TMEM132E: variants seen among roughly 807,000 people sequenced by gnomAD.
TMEM132E encodes the protein transmembrane protein 132E.
A neutral mutation model predicts 78.5 loss-of-function variants in TMEM132E; 49 were observed. The observed-to-expected ratio is 0.62, with a 90% CI of 0.50 to 0.79. The LOEUF (loss-of-function observed/expected upper bound fraction) is 0.79. TMEM132E is among the 30% of genes least tolerant of loss of function. The pLI is 0.00. For synonymous variants in TMEM132E, 715 were observed against 670.6 expected, an observed-to-expected ratio of 1.07 and a Z score of -1.02; for missense variants, 1,403 against 1,470.9, an observed-to-expected ratio of 0.95 and a Z score of 0.75.
intron 1 of TMEM132E, among the ~76,000 whole-genome samples, chr17:34,585,979 T>C (rs1158827480): frequency 1.1e-4 from 17 of 152,130 alleles, no homozygotes; most frequent in Non-Finnish European, 4.4e-5. Context: ...GCCACAGGAA[T>C]TTCACCTACT....
Position 34,629,093 on chromosome 17 carries a change from C to G in TMEM132E, c.1227C>G (p.Ile409Met). The G allele has an allele frequency of 6.2e-7, 1 of 1,611,606 alleles. No homozygotes were observed. The highest frequency in any genetic ancestry group is 8.5e-7 in the Non-Finnish European group (1 of 1,178,524). ...NFTSQSVKRR[I>M]MWHIDYRGHG... is the part of the protein sequence containing the mutation. Reference sequence around the variant, plus strand: ...CCAGCCAGTCAGTCAAGCGGAGGATCATGTGGCACATTGACTACCGTGGCC... The same window carrying G: ...CCAGCCAGTCAGTCAAGCGGAGGATGATGTGGCACATTGACTACCGTGGCC... The change falls in exon 4 of 9, where the codon ATC (isoleucine) becomes ATG (methionine). Residue 409 changes from isoleucine to methionine, a missense_variant. By Grantham distance (10) the Ile-to-Met change is conservative. Transcript: ENST00000631683.
chr17:34,588,027 C>A (rs1007461113), intron 1 of TMEM132E, among the ~76,000 whole-genome samples: 4 of 152,206 alleles, frequency 2.6e-5, no homozygotes, highest in Non-Finnish European at 5.9e-5. Context: ...CTGAGTGAGT[C>A]CTGCCGGGTG....
At position 34,638,004 on chromosome 17, in the gene TMEM132E, C is replaced by T. The variant is rs781249677; in HGVS notation, c.2997C>T (p.Ala999=). Residue 999 remains alanine, a synonymous_variant, in exon 9 of 9, where the codon GCC becomes GCT. Coordinates refer to ENST00000631683, the MANE Select transcript of TMEM132E (RefSeq NM_001304438.2). ...GSSGGSARDQ[A]EDPASSPTSK... ...CGGGCGGCTCAGCCCGAGACCAAGC[C>T]GAGGACCCCGCCAGCTCGCCCACCT... The T allele has an allele frequency of 1.3e-5, 21 of 1,581,038 alleles. No homozygotes were observed. Among genetic ancestry groups the T allele is most frequent in the Non-Finnish European group, 1.8e-5 (21 of 1,164,162 alleles).
intron 1 of TMEM132E, among the ~76,000 whole-genome samples, chr17:34,622,770 T>C (rs1907000805): frequency 6.6e-6 from 1 of 152,174 alleles, no homozygotes; most frequent in Admixed American, 6.5e-5. Flanking sequence ...AGCACTAAAA[T>C]AGAGCAGGGA....
intron 1 of TMEM132E, among the ~76,000 whole-genome samples, chr17:34,615,164 G>A (rs113521168): frequency 0.075 from 2,481 of 33,216 alleles, 61 homozygotes; most frequent in South Asian, 0.26. Context: ...GCAGGACTAG[G>A]AGGCCAGTTC....
chr17:34,613,176 C>T (rs1280072631), intron 1 of TMEM132E, among the ~76,000 whole-genome samples: 7 of 89,368 alleles, frequency 7.8e-5, no homozygotes, highest in African/African-American at 2.0e-4. Flanking sequence ...TCTCTCTCTA[C>T]ACACACACAC....
At chr17:34,587,207 G>GGGCCCT (rs1254995902) in intron 1 of TMEM132E, among the ~76,000 whole-genome samples, 2 of 152,198 alleles carry the variant, frequency 1.3e-5, no homozygotes, top group Admixed American at 1.3e-4. Context: ...AGACCCCACG[G>GGGCCCT]GGCCCTGGCC....
chr17:34,628,702 C>A lies in TMEM132E; in HGVS notation c.1138C>A (p.Pro380Thr). Residue 380 changes from proline (P) to threonine (T), a missense_variant, in exon 3 of 9, where the codon CCC becomes ACC. Transcript: ENST00000631683. ...GGCCTGGGCTCAGAGCACACCCCTG[C>A]CCCCCAGGTGAGCCCGAGGTGGTGC... is the stretch of plus-strand genomic sequence containing the variant. The part of the protein sequence containing the change: ...DVAWAQSTPL[P>T]PREGQGPLEI... 7.5e-6 allele frequency: 12 copies of A among 1,597,140 alleles called. No individual in the cohort carries two copies. The highest frequency in any genetic ancestry group is 1.0e-5 in the Non-Finnish European group (12 of 1,170,962).
intron 1 of TMEM132E, among the ~76,000 whole-genome samples, chr17:34,608,712 C>T (rs1906494984): frequency 6.6e-6 from 1 of 152,194 alleles, no homozygotes; most frequent in African/African-American, 2.4e-5. Context: ...CAGCAAGACG[C>T]AGCCGTGGAC....
chr17:34,586,848 C>A (rs1346006313), intron 1 of TMEM132E, among the ~76,000 whole-genome samples: 1 of 152,016 alleles, frequency 6.6e-6, no homozygotes, highest in Admixed American at 6.6e-5. Flanking sequence ...TGAAGAAAAT[C>A]TCTTTTTGCC....
intron 1 of TMEM132E, among the ~76,000 whole-genome samples, chr17:34,622,387 G>A (rs1906988770): frequency 6.6e-6 from 1 of 152,224 alleles, no homozygotes; most frequent in Non-Finnish European, 1.5e-5. Context: ...CAGCAGGATG[G>A]AATGGTTCAT....
At chr17:34,594,554 G>T (rs1289551710) in intron 1 of TMEM132E, among the ~76,000 whole-genome samples, 1 of 152,210 alleles carries the variant, frequency 6.6e-6, no homozygotes, top group African/African-American at 2.4e-5. Flanking sequence ...CGCCTGGCTT[G>T]TAGGAAGTGC....
At chr17:34,618,371 G>A (rs1399345150) in intron 1 of TMEM132E, among the ~76,000 whole-genome samples, 5 of 151,662 alleles carry the variant, frequency 3.3e-5, no homozygotes, top group Admixed American at 6.6e-5. Flanking sequence ...CCAAGTAGTT[G>A]GGACCACAGG....
At chr17:34,613,174 T>TCTCTACAC (rs1491423933) in intron 1 of TMEM132E, among the ~76,000 whole-genome samples, 3 of 109,176 alleles carry the variant, frequency 2.7e-5, no homozygotes, top group African/African-American at 9.1e-5. Context: ...TCTCTCTCTC[T>TCTCTACAC]ACACACACAC....
chr17:34,637,622 C>T lies in TMEM132E; in HGVS notation c.2615C>T (p.Pro872Leu), dbSNP rs376143652. 192 of 1,603,762 alleles carry T rather than the reference C, an allele frequency of 1.2e-4. No homozygotes were observed. The highest frequency in any genetic ancestry group is 1.5e-4 in the Non-Finnish European group (173 of 1,178,158). ...GTGCCACCCACAGAAGACTTCCTGC[C>T]GCTGCCCACCGGCTTCCTGCAGGTG... Reference protein sequence around the residue: ...PVVPPTEDFLPLPTGFLQVPR... With the variant: ...PVVPPTEDFLLLPTGFLQVPR... Residue 872 changes from proline (P) to leucine (L), a missense_variant, in exon 9 of 9, where the codon CCG (proline) becomes CTG (leucine). Pro to Leu is a moderately conservative substitution (Grantham distance 98). Around this residue, in one of 3 missense-constraint regions of TMEM132E, gnomAD observed 888 missense variants for 952.8 expected, o/e 0.93. Coordinates refer to ENST00000631683, the MANE Select transcript of TMEM132E (RefSeq NM_001304438.2).
intron 1 of TMEM132E, among the ~76,000 whole-genome samples, chr17:34,603,320 C>T (rs566945907): frequency 1.3e-3 from 193 of 151,970 alleles, no homozygotes; most frequent in Non-Finnish European, 2.4e-3. Context: ...GACCCTCGGA[C>T]CCCCAGAAGG....
chr17:34,613,172 T>TACACACACACA (rs1416893742), intron 1 of TMEM132E, among the ~76,000 whole-genome samples: 200 of 112,500 alleles, frequency 1.8e-3, no homozygotes, highest in Non-Finnish European at 2.9e-3. Context: ...TCTCTCTCTC[T>TACACACACACA]CTACACACAC....
intron 1 of TMEM132E, among the ~76,000 whole-genome samples, chr17:34,587,066 T>G (rs1183299056): frequency 2.0e-5 from 3 of 152,210 alleles, no homozygotes; most frequent in African/African-American, 4.8e-5. Context: ...TCAGATTTTC[T>G]GTTTCCCTGG....
Position 34,626,414 on chromosome 17 carries a change from C to A in TMEM132E, c.355C>A (p.Arg119Ser). Residue 119 changes from arginine to serine, a missense_variant, in exon 2 of 9, where the codon CGC (arginine) becomes AGC (serine). Around this residue, in one of 3 missense-constraint regions of TMEM132E, gnomAD observed 511 missense variants for 499.0 expected, o/e 1.02. Transcript: ENST00000631683. ...QPSSTLDIPE[R>S]LTVNWKVRAF... is the part of the protein sequence containing the mutation. ...GTCCAGCACCCTGGACATCCCCGAG[C>A]GCCTGACGGTGAACTGGAAGGTGCG... The A allele has an allele frequency of 1.9e-6, 3 of 1,613,368 alleles. No homozygotes were observed. Among genetic ancestry groups the A allele is most frequent in the African/African-American group, 1.3e-5 (1 of 75,052 alleles).
Sources: gnomAD v4.1 joint callset for allele counts (sites outside exome capture counted in the v4.1 genomes callset) on GRCh38, gnomAD v4.1.1 for gene constraint, gnomAD v4.1.1 regional missense constraint, MANE v1.5 for transcripts, NCBI Gene and HGNC (gene_info 2026-07-23, HGNC 2026-07-21) for gene names.